Variants in GLIS3 observed in about 807,000 individuals in gnomAD.
GLIS3 encodes zinc finger protein GLIS3.
GLIS3 carries 53 observed loss-of-function variants against 78.6 expected under a neutral mutation model. The ratio of observed to expected loss-of-function variants is 0.67; its 90% CI spans 0.54 to 0.85. The LOEUF (loss-of-function observed/expected upper bound fraction) is 0.85. GLIS3 is among the 40% of genes least tolerant of loss of function. The probability of loss-of-function intolerance (pLI) is 0.00; values close to 1 mark genes in which losing one functional copy is unlikely to be tolerated. For synonymous variants in GLIS3, 684 were observed against 509.9 expected, an observed-to-expected ratio of 1.34 and a Z score of -4.60; for missense variants, 1,703 against 1,231.1, an observed-to-expected ratio of 1.38 and a Z score of -5.74.
rs151236390 is a variant in GLIS3 at position 3,955,890 on chromosome 9, C to T, written c.1711-18701G>A. On this transcript the variant is annotated intron_variant, in intron 4 of 10. Coordinates refer to ENST00000381971, the MANE Select transcript of GLIS3 (RefSeq NM_001042413.2). ...GAGAAGAAAGAGTCAATATAATCAG[C>T]AATGAGAAGTCTCCCTTTAATGACA... 1.3e-3 allele frequency among the ~76,000 whole-genome samples: 198 copies of T among 152,046 alleles called. 1 individual carries two copies. The highest frequency in any genetic ancestry group is 4.7e-3 in the African/African-American group (195 of 41,466).
intron 6 of GLIS3, among the ~76,000 whole-genome samples, chr9:3,900,038 C>A (rs554334857): frequency 1.3e-5 from 2 of 151,940 alleles, no homozygotes; most frequent in Non-Finnish European, 2.9e-5. Context: ...AACCTGCCTA[C>A]CCTGTGGTTG....
chr9:4,103,013 T>A (rs1294969012), intron 4 of GLIS3, among the ~76,000 whole-genome samples: 1 of 152,080 alleles, frequency 6.6e-6, no homozygotes, highest in African/African-American at 2.4e-5. Context: ...TGTTTGGACA[T>A]GACATAACAC....
the GLIS3 span, among the ~76,000 whole-genome samples, chr9:4,385,335 T>C: frequency 3.3e-5 from 5 of 152,188 alleles, no homozygotes; most frequent in Non-Finnish European, 5.9e-5. Flanking sequence ...GATGTTAGAC[T>C]CCATGAACCT....
At chr9:4,285,154 G>A (rs1053560199) in intron 2 of GLIS3, among the ~76,000 whole-genome samples, 10 of 151,992 alleles carry the variant, frequency 6.6e-5, no homozygotes, top group Non-Finnish European at 1.3e-4. Context: ...CATTTAAGAC[G>A]GAATGCTAAA....
intron 4 of GLIS3, among the ~76,000 whole-genome samples, chr9:4,070,497 C>T (rs1163846393): frequency 2.6e-5 from 4 of 151,018 alleles, no homozygotes; most frequent in Admixed American, 6.6e-5. Flanking sequence ...TGTGCATGTG[C>T]GTAAGTATTT....
intron 8 of GLIS3, among the ~76,000 whole-genome samples, chr9:3,864,113 G>C (rs1193130987): frequency 6.6e-6 from 1 of 151,956 alleles, no homozygotes; most frequent in African/African-American, 2.4e-5. Context: ...ATCCAGAGTG[G>C]TCCTAGACAT....
At chr9:4,472,086 T>A in the GLIS3 span, among the ~76,000 whole-genome samples, 1 of 152,164 alleles carries the variant, frequency 6.6e-6, no homozygotes, top group Non-Finnish European at 1.5e-5. Flanking sequence ...AGAATGGCAG[T>A]CATTAAAAAG....
intron 2 of GLIS3, among the ~76,000 whole-genome samples, chr9:4,179,318 T>C (rs1817086447): frequency 6.6e-6 from 1 of 152,214 alleles, no homozygotes; most frequent in African/African-American, 2.4e-5. Context: ...GCATGCATTT[T>C]CTTTAAAATT....
At chr9:3,900,000 A>C (rs1396951939) in intron 6 of GLIS3, among the ~76,000 whole-genome samples, 1 of 152,118 alleles carries the variant, frequency 6.6e-6, no homozygotes, top group Non-Finnish European at 1.5e-5. Context: ...AGAAGTGAGG[A>C]ATAAGCCGTA....
the GLIS3 span, among the ~76,000 whole-genome samples, chr9:4,389,861 C>A: frequency 0.049 from 7,495 of 152,244 alleles, 422 homozygotes; most frequent in East Asian, 0.23. Flanking sequence ...ATTGGTTTAT[C>A]CTGCCAGGCA....
chr9:4,300,252 C>T (rs565226299), upstream of GLIS3, among the ~76,000 whole-genome samples: 14 of 149,690 alleles, frequency 9.4e-5, no homozygotes, highest in Non-Finnish European at 1.5e-4. Context: ...ACACACTCCC[C>T]GTGCGCCAGA....
intron 2 of GLIS3, among the ~76,000 whole-genome samples, chr9:4,222,552 C>A (rs1280735824): frequency 6.6e-6 from 1 of 152,188 alleles, no homozygotes; most frequent in Non-Finnish European, 1.5e-5. Flanking sequence ...TTGCTTAACC[C>A]CATGGTACTG....
At chr9:4,349,862 C>G (rs978738027), upstream of GLIS3, among the ~76,000 whole-genome samples, 1 of 152,188 alleles carries the variant, frequency 6.6e-6, no homozygotes, top group Admixed American at 6.5e-5. Flanking sequence ...TGGTCATTAG[C>G]CTTCAGTTTA....
the GLIS3 span, among the ~76,000 whole-genome samples, chr9:4,388,963 G>C: frequency 1.3e-5 from 2 of 152,120 alleles, 1 homozygote; most frequent in Non-Finnish European, 2.9e-5. Context: ...TGAAGAAAAG[G>C]GGATAGGGTA....
chr9:4,168,271 AT>A (rs2131116388), intron 2 of GLIS3, among the ~76,000 whole-genome samples: 1 of 152,266 alleles, frequency 6.6e-6, no homozygotes, highest in African/African-American at 2.4e-5. Context: ...TCTAAAGTAT[AT>A]TTTAAAATAA....
At chr9:4,248,177 T>C (rs1323499979) in intron 2 of GLIS3, among the ~76,000 whole-genome samples, 1 of 152,158 alleles carries the variant, frequency 6.6e-6, no homozygotes, top group Non-Finnish European at 1.5e-5. Context: ...ACATAATGGT[T>C]TGCTGCACCC....
At position 4,286,350 on chromosome 9, in the gene GLIS3, G is replaced by T; in HGVS notation, c.76C>A (p.His26Asn). 6.2e-7 allele frequency: 1 copy of T among 1,614,214 alleles called. No homozygotes were observed. The highest frequency in any genetic ancestry group is 1.3e-5 in the African/African-American group (1 of 75,064). The part of the protein sequence containing the change: ...TPQGPRMVSG[H>N]HIPAIRAHSG... ...TGGGCTCGGATGGCAGGAATGTGAT[G>T]ACCACTGACCATCCTAGGCCCCTGT... Residue 26 changes from histidine (H) to asparagine (N), a missense_variant, in exon 2 of 11, where the codon CAT becomes AAT. Coordinates refer to ENST00000381971, the MANE Select transcript of GLIS3 (RefSeq NM_001042413.2).
the GLIS3 span, among the ~76,000 whole-genome samples, chr9:4,417,548 T>C: frequency 1.3e-5 from 2 of 152,250 alleles, no homozygotes; most frequent in African/African-American, 4.8e-5. Context: ...TTGTTCTTGC[T>C]GTTTTGTAAT....
At chr9:4,021,375 A>T (rs1822870791) in intron 4 of GLIS3, among the ~76,000 whole-genome samples, 1 of 152,172 alleles carries the variant, frequency 6.6e-6, no homozygotes, top group Non-Finnish European at 1.5e-5. Flanking sequence ...CCTTTGCAAA[A>T]CCTATCCTAA....
Sources: gnomAD v4.1 joint callset for allele counts (sites outside exome capture counted in the v4.1 genomes callset) on GRCh38, gnomAD v4.1.1 for gene constraint, MANE v1.5 for transcripts, NCBI Gene and HGNC (gene_info 2026-07-23, HGNC 2026-07-21) for gene names.